The following RHBDF1 variants were observed in gnomAD, a reference collection of about 807,000 sequenced individuals.
RHBDF1 encodes the protein rhomboid 5 homolog 1, also known as inactive rhomboid protein 1.
In RHBDF1, 80 loss-of-function variants were observed where a neutral mutation model predicts 98.6. That is an observed-to-expected ratio of 0.81 (90% CI 0.68 to 0.98). RHBDF1 has a LOEUF of 0.98. Ranked by LOEUF, RHBDF1 falls within the 50% of genes least tolerant of loss-of-function variation. The pLI is 0.00. For missense variants in RHBDF1, 1,116 were observed against 1,198.3 expected, an observed-to-expected ratio of 0.93 and a Z score of 1.01; for synonymous variants, 512 against 486.8, an observed-to-expected ratio of 1.05 and a Z score of -0.68.
At chr16:73,073 A>G (rs991817756), upstream of RHBDF1, among the ~76,000 whole-genome samples, 1 of 152,164 alleles carries the variant, frequency 6.6e-6, no homozygotes, top group Non-Finnish European at 1.5e-5. Flanking sequence ...CTAAGCACTC[A>G]CATTCCCTCA....
At chr16:71,342 C>T (rs1055654336) in intron 1 of RHBDF1, among the ~76,000 whole-genome samples, 2 of 152,196 alleles carry the variant, frequency 1.3e-5, no homozygotes, top group African/African-American at 2.4e-5. Context: ...AAAAGGGGCC[C>T]GGCTTGCCCA....
In RHBDF1 at chr16:62,596, C is replaced by T. The variant is rs772785784; in HGVS notation, c.895G>A (p.Ala299Thr). ...TCCAGGGCCCCGCCGGTGAGGTCCG[C>T]CTGCTCCGGTGCCTTCTCCCAGTCC... The part of the protein sequence containing the change: ...LKDWEKAPEQ[A>T]DLTGGALDRS... Residue 299 changes from alanine to threonine, a missense_variant, in exon 7 of 18, where the codon GCG (alanine) becomes ACG (threonine). By Grantham distance (58) the Ala-to-Thr change is moderately conservative (BLOSUM62 0). Coordinates refer to ENST00000262316, the MANE Select transcript of RHBDF1 (RefSeq NM_022450.5). 1 of 1,613,774 alleles carries T rather than the reference C, an allele frequency of 6.2e-7. No individual in the cohort carries two copies. Among genetic ancestry groups the T allele is most frequent in the Admixed American group, 1.7e-5 (1 of 60,032 alleles).
chr16:59,379 T>C (rs892453555), intron 15 of RHBDF1, 30 bp from the exon 16 acceptor site: 3 of 1,611,594 alleles, frequency 1.9e-6, no homozygotes, highest in African/African-American at 2.7e-5. Flanking sequence ...AGCATCACAG[T>C]AGCTGGGGGA....
chr16:59,940 G>A, intron 13 of RHBDF1, 114 bp from the exon 14 acceptor site: 1 of 1,537,968 alleles, frequency 6.5e-7, no homozygotes. Flanking sequence ...AAACGGTGTG[G>A]CTTCCTTGAC....
At chr16:64,524 G>A in intron 3 of RHBDF1, 175 bp downstream of exon 3, 1 of 1,544,048 alleles carries the variant, frequency 6.5e-7, no homozygotes, top group South Asian at 1.2e-5. Context: ...AGGGTAGTGG[G>A]GTGAGAGCGG....
At chr16:62,112 C>CG (rs1338936818) in intron 7 of RHBDF1, 60 bp from the exon 8 acceptor site, 9 of 1,431,220 alleles carry the variant, frequency 6.3e-6, no homozygotes, top group African/African-American at 4.3e-5. Context: ...AGTCCCTCCC[C>CG]GGGGGGCACC....
intron 3 of RHBDF1, 22 bp downstream of exon 3, chr16:64,677 A>C: frequency 1.3e-6 from 2 of 1,593,484 alleles, no homozygotes; most frequent in Non-Finnish European, 1.7e-6. Context: ...CACCCCATGG[A>C]GCAGCTGGGC....
chr16:64,381 G>A (rs1342042069), intron 3 of RHBDF1: 1 of 1,386,388 alleles, frequency 7.2e-7, no homozygotes. Context: ...GGCCCTGCGG[G>A]CAGCCCGGGG....
chr16:60,865 T>G (rs1444619113), intron 11 of RHBDF1, among the ~76,000 whole-genome samples: 1 of 152,160 alleles, frequency 6.6e-6, no homozygotes, highest in East Asian at 1.9e-4. Flanking sequence ...AAATACCACT[T>G]ATGTAAGCTT....
Position 59,426 on chromosome 16 carries a change from C to T in RHBDF1, c.1886G>A (p.Cys629Tyr). Reference sequence around the variant, plus strand: ...GACACTCTGCAGACCTACCTGAGAGCAGAGCGTGGCCTCCTCATGGAAGTA... The same window carrying T: ...GACACTCTGCAGACCTACCTGAGAGTAGAGCGTGGCCTCCTCATGGAAGTA... ...RGYFHEEATL[C>Y]SQVHCMDDVC... The change falls in exon 15 of 18, where the codon TGC (cysteine) becomes TAC (tyrosine). Residue 629 changes from cysteine to tyrosine, a missense_variant. Cys to Tyr is a radical substitution (Grantham distance 194). Transcript: ENST00000262316. The T allele has an allele frequency of 6.2e-6, 10 of 1,613,812 alleles. No individual in the cohort carries two copies. The highest frequency in any genetic ancestry group is 8.5e-6 in the Non-Finnish European group (10 of 1,179,946).
Position 65,043 on chromosome 16 carries a change from C to T in RHBDF1, c.-24-4G>A, listed in dbSNP as rs2288490. On this transcript the variant is annotated splice_polypyrimidine_tract_variant and splice_region_variant and intron_variant, in intron 1 of 17. Coordinates refer to ENST00000262316, the MANE Select transcript of RHBDF1 (RefSeq NM_022450.5). ...TTCCTGGCAGAGCAAGGCAGGCCTG[C>T]GGGGCATGGTGTGTTATTCAATAAT... 526,279 of 1,497,576 alleles carry T rather than the reference C, an allele frequency of 0.35. 95,194 individuals are homozygous for T. Among genetic ancestry groups the T allele is most frequent in the East Asian group, 0.59 (25,729 of 43,616 alleles). 92.8% of individuals were successfully genotyped at this position (1,497,576 alleles called of 1,614,324 possible).
upstream of RHBDF1, chr16:76,220 G>A (rs34456770): frequency 0.064 from 9,780 of 152,562 alleles, 602 homozygotes; most frequent in South Asian, 0.17. Flanking sequence ...GACAAACTGG[G>A]GACAGAGGAA....
Position 58,671 on chromosome 16 carries a change from C to T in RHBDF1, c.2237G>A (p.Arg746His), listed in dbSNP as rs780544930. Residue 746 changes from arginine (R) to histidine (H), a missense_variant, in exon 18 of 18, where the codon CGT becomes CAT. Physicochemically the swap from Arg to His is conservative, Grantham distance 29. Coordinates refer to ENST00000262316, the MANE Select transcript of RHBDF1 (RefSeq NM_022450.5). ...QSWQILARPW[R>H]AFFKLLAVVL... ...CACAGCCAGCAGCTTGAAGAAGGCACGCCAGGGCCGCGCCAGGATCTGCCA... is the reference window on the plus strand; with the variant it reads ...CACAGCCAGCAGCTTGAAGAAGGCATGCCAGGGCCGCGCCAGGATCTGCCA... 1.4e-5 allele frequency: 22 copies of T among 1,613,026 alleles called. No homozygotes were observed. Among genetic ancestry groups the T allele is most frequent in the East Asian group, 4.5e-5 (2 of 44,892 alleles).
At chr16:59,634 A>G in intron 14 of RHBDF1, 98 bp downstream of exon 14, 1 of 1,499,826 alleles carries the variant, frequency 6.7e-7, no homozygotes, top group Non-Finnish European at 9.1e-7. Context: ...CATCCTTGGT[A>G]TACTGGCTTA....
rs368502758 is a variant in RHBDF1 at position 61,704 on chromosome 16, G to A, written c.1209-8C>T. The A allele has an allele frequency of 1.9e-5, 30 of 1,613,198 alleles. No homozygotes were observed. The South Asian group carries it at 2.5e-4, about 14-fold the overall frequency. ...CAGTAGGTGAAGAAGGGCCTGCGGG[G>A]TGGAGCGTCAGCGGGGGCCTCATCC... On this transcript the variant is annotated splice_polypyrimidine_tract_variant and splice_region_variant and intron_variant, in intron 8 of 17. Coordinates refer to ENST00000262316, the MANE Select transcript of RHBDF1 (RefSeq NM_022450.5).
At chr16:73,721 A>T (rs1898035150), upstream of RHBDF1, among the ~76,000 whole-genome samples, 1 of 152,044 alleles carries the variant, frequency 6.6e-6, no homozygotes, top group Non-Finnish European at 1.5e-5. Context: ...GTGCCCCCCC[A>T]TGCCTCGGAC....
chr16:62,633 C>G lies in RHBDF1; in HGVS notation c.858G>C (p.Glu286Asp). 1.2e-6 allele frequency: 2 copies of G among 1,614,060 alleles called. No homozygotes were observed. The highest frequency in any genetic ancestry group is 1.7e-6 in the Non-Finnish European group (2 of 1,180,036). Reference sequence around the variant, plus strand: ...CCTTCTCCCAGTCCTTTAGCGCTGCCTCCGATGGGGACTCGAAAACTTCAT... The same window carrying G: ...CCTTCTCCCAGTCCTTTAGCGCTGCGTCCGATGGGGACTCGAAAACTTCAT... ...YPDEVFESPSEAALKDWEKAP... is the reference protein window; with the variant it reads ...YPDEVFESPSDAALKDWEKAP... Residue 286 changes from glutamate to aspartate, a missense_variant, in exon 7 of 18, where the codon GAG becomes GAC. Physicochemically the swap from Glu to Asp is conservative, Grantham distance 45. Coordinates refer to ENST00000262316, the MANE Select transcript of RHBDF1 (RefSeq NM_022450.5).
rs564167440 is a variant in RHBDF1, at chr16:60,389, C to T, written c.1658+50G>A. The T allele has an allele frequency of 4.4e-6, 7 of 1,598,486 alleles. No individual in the cohort carries two copies. In the Admixed American group the frequency reaches 5.0e-5, roughly 11 times the overall value. ...CCTACACCCTCTGCACCACAGCCCC[C>T]GGGGAAGGTGTGGACAAAGGCAGGT... On this transcript the variant is annotated intron_variant, in intron 12 of 17. Transcript: ENST00000262316.
At chr16:75,703 G>A (rs1898074137), upstream of RHBDF1, among the ~76,000 whole-genome samples, 1 of 152,184 alleles carries the variant, frequency 6.6e-6, no homozygotes, top group South Asian at 2.1e-4. Flanking sequence ...CCTGCCCAGT[G>A]GCTGCCTTCT....
Sources: gnomAD v4.1 joint callset for allele counts (sites outside exome capture counted in the v4.1 genomes callset) on GRCh38, gnomAD v4.1.1 for gene constraint, MANE v1.5 for transcripts, NCBI Gene and HGNC (gene_info 2026-07-23, HGNC 2026-07-21) for gene names.